Variants in DPYSL2 observed in about 807,000 individuals in gnomAD.
DPYSL2 encodes the protein dihydropyrimidinase-related protein 2.
DPYSL2 carries 13 observed loss-of-function variants against 69.9 expected under a neutral mutation model. The ratio of observed to expected loss-of-function variants is 0.19; its 90% CI spans 0.12 to 0.30. The LOEUF (loss-of-function observed/expected upper bound fraction) is 0.30, where lower values mean the gene tolerates loss of function less well. Among genes scored for constraint, DPYSL2 ranks in the 10% least tolerant of loss-of-function variants. The probability of loss-of-function intolerance (pLI) is 1.00; values close to 1 mark genes in which losing one functional copy is unlikely to be tolerated. For synonymous variants in DPYSL2, 326 were observed against 359.1 expected (o/e 0.91, Z 1.04); for missense variants, 587 against 918.9 (o/e 0.64, Z 4.67).
Position 26,582,019 on chromosome 8 carries a change from G to C in DPYSL2, c.405G>C (p.Ser135=), listed in dbSNP as rs199994960. 1 of 1,613,902 alleles carries C rather than the reference G, an allele frequency of 6.2e-7. No homozygotes were observed. Among genetic ancestry groups the C allele is most frequent in the African/African-American group, 1.3e-5 (1 of 75,042 alleles). The change falls in exon 2 of 14, where the codon TCG becomes TCC. Residue 135 remains serine (S), a synonymous_variant. Coordinates refer to ENST00000521913, the MANE Select transcript of DPYSL2 (RefSeq NM_001197293.3). The surrounding 1 kb of genome is among the most constrained non-coding windows in gnomAD (Gnocchi z 4.1). ...KGGKIVNDDQ[S]FYADIYMEDG... ...GTAAAATTGTTAATGATGACCAGTCGTTCTATGCAGACATATACATGGAAG... is the reference window on the plus strand; with the variant it reads ...GTAAAATTGTTAATGATGACCAGTCCTTCTATGCAGACATATACATGGAAG...
chr8:26,524,476 A>G (rs1184532875), intron 1 of DPYSL2, among the ~76,000 whole-genome samples: 1 of 152,136 alleles, frequency 6.6e-6, no homozygotes, highest in Non-Finnish European at 1.5e-5. Flanking sequence ...TTGTTGCATT[A>G]TATTTTCCAG....
intron 3 of DPYSL2, among the ~76,000 whole-genome samples, chr8:26,592,738 A>G (rs1222497536): frequency 2.0e-5 from 3 of 152,084 alleles, no homozygotes; most frequent in Non-Finnish European, 2.9e-5. Flanking sequence ...CGGCCTCCCA[A>G]AGTGCTGGGA....
intron 1 of DPYSL2, among the ~76,000 whole-genome samples, chr8:26,529,362 C>T (rs1443157915): frequency 6.6e-6 from 1 of 151,938 alleles, no homozygotes; most frequent in East Asian, 1.9e-4. Flanking sequence ...CAGGATCTCT[C>T]TCTGTCTCCC....
intron 1 of DPYSL2, among the ~76,000 whole-genome samples, chr8:26,561,703 G>C (rs562569322): frequency 6.6e-6 from 1 of 152,306 alleles, no homozygotes; most frequent in East Asian, 1.9e-4. Flanking sequence ...GGATGAAACT[G>C]TCCCACCTCA....
At chr8:26,638,405 T>G (rs1387919862) in intron 8 of DPYSL2, among the ~76,000 whole-genome samples, 1 of 152,218 alleles carries the variant, frequency 6.6e-6, no homozygotes, top group Non-Finnish European at 1.5e-5. Flanking sequence ...GTGATCCACA[T>G]GAACCTCCCC....
chr8:26,548,012 G>T, intron 1 of DPYSL2: 1 of 265,754 alleles, frequency 3.8e-6, no homozygotes. Flanking sequence ...CCCTGGATAA[G>T]ACAGAAGTCT....
In DPYSL2 at chr8:26,647,661, T is replaced by C. The variant is rs1803197614; in HGVS notation, c.1457T>C (p.Val486Ala). ...VTGKMDENQFVAVTSTNAAKV... is the reference protein window; with the variant it reads ...VTGKMDENQFAAVTSTNAAKV... Reference sequence around the variant, plus strand: ...GGGAAGATGGATGAGAACCAGTTTGTGGCTGTGACCAGCACCAATGCAGCC... The same window carrying C: ...GGGAAGATGGATGAGAACCAGTTTGCGGCTGTGACCAGCACCAATGCAGCC... Residue 486 changes from valine (V) to alanine (A), a missense_variant, in exon 11 of 14, where the codon GTG (valine) becomes GCG (alanine). Val to Ala is a moderately conservative substitution (Grantham distance 64). Transcript: ENST00000521913. The surrounding 1 kb of genome is among the most constrained non-coding windows in gnomAD (Gnocchi z 5.1). 2 of 1,613,840 alleles carry C rather than the reference T, an allele frequency of 1.2e-6. No homozygotes were observed. Among genetic ancestry groups the C allele is most frequent in the Admixed American group, 1.7e-5 (1 of 59,968 alleles).
At chr8:26,629,309 T>C (rs1257422304) in intron 7 of DPYSL2, among the ~76,000 whole-genome samples, 1 of 151,014 alleles carries the variant, frequency 6.6e-6, no homozygotes, top group Non-Finnish European at 1.5e-5. Context: ...CATAGACACC[T>C]ACACACACAC....
At chr8:26,529,610 C>T (rs1372055312) in intron 1 of DPYSL2, among the ~76,000 whole-genome samples, 3 of 152,028 alleles carry the variant, frequency 2.0e-5, no homozygotes, top group Non-Finnish European at 2.9e-5. Flanking sequence ...AGCCACTGTG[C>T]TGCCTATAAT....
chr8:26,561,096 C>A (rs968324750), intron 1 of DPYSL2, among the ~76,000 whole-genome samples: 1 of 152,130 alleles, frequency 6.6e-6, no homozygotes, highest in African/African-American at 2.4e-5. Context: ...ATGAGAAATG[C>A]AAGACTCTAC....
Position 26,565,855 on chromosome 8 carries a change from G to T in DPYSL2, c.355-16114G>T, listed in dbSNP as rs1052782615. 5.3e-5 allele frequency among the ~76,000 whole-genome samples: 8 copies of T among 152,162 alleles called. No individual in the cohort carries two copies. The highest frequency in any genetic ancestry group is 1.9e-4 in the African/African-American group (8 of 41,442). On this transcript the variant is annotated intron_variant, in intron 1 of 13. Coordinates refer to ENST00000521913, the MANE Select transcript of DPYSL2 (RefSeq NM_001197293.3). The surrounding 1 kb of genome is among the most constrained non-coding windows in gnomAD (Gnocchi z 4.1). ...AACACACAGCTCCCAAGGTTGTCTG[G>T]GCAATCATCATCCCGTCAGCTTGGA...
rs539870985 is a variant in DPYSL2 at position 26,592,757 on chromosome 8, A to G, written c.628+8774A>G. Among the ~76,000 whole-genome samples the G allele has an allele frequency of 3.0e-4, 45 of 152,138 alleles. No homozygotes were observed. In the South Asian group the frequency reaches 6.9e-3, roughly 23 times the overall value. Reference sequence around the variant, plus strand: ...CTCCCAAAGTGCTGGGATTACAGGCATGTCCCACTGTGCCCGGCCGGTACA... The same window carrying G: ...CTCCCAAAGTGCTGGGATTACAGGCGTGTCCCACTGTGCCCGGCCGGTACA... On this transcript the variant is annotated intron_variant, in intron 3 of 13. Coordinates refer to ENST00000521913, the MANE Select transcript of DPYSL2 (RefSeq NM_001197293.3).
rs1276785659 is a variant in DPYSL2 at position 26,609,010 on chromosome 8, G to GT, written c.629-15126dup. Among the ~76,000 whole-genome samples the GT allele has an allele frequency of 6.6e-6, 1 of 152,170 alleles. No homozygotes were observed. On this transcript the variant is annotated intron_variant, in intron 3 of 13. Coordinates refer to ENST00000521913, the MANE Select transcript of DPYSL2 (RefSeq NM_001197293.3). This position sits in a 1 kb window ranked among gnomAD's most constrained non-coding sequence, Gnocchi z 6.5. ...TTAGTTTCAATCCAACAGCGGATCTGTTTTTTTACTCCATGTAATGGGACT... is the reference window on the plus strand; with the variant it reads ...TTAGTTTCAATCCAACAGCGGATCTGTTTTTTTTACTCCATGTAATGGGACT...
intron 3 of DPYSL2, among the ~76,000 whole-genome samples, chr8:26,613,352 G>A (rs761518995): frequency 3.3e-5 from 5 of 152,204 alleles, no homozygotes; most frequent in Admixed American, 1.3e-4. Flanking sequence ...TGGAAGGAAG[G>A]GACATCCTCA....
At position 26,643,733 on chromosome 8, in the gene DPYSL2, A is replaced by C; in HGVS notation, c.1283+138A>C. On this transcript the variant is annotated intron_variant, in intron 9 of 13. Coordinates refer to ENST00000521913, the MANE Select transcript of DPYSL2 (RefSeq NM_001197293.3). The surrounding 1 kb of genome is among the most constrained non-coding windows in gnomAD (Gnocchi z 6.5). ...TTGTTCACCAAACTAGGTTGGCTACATGAGTACAGGGAATTGTCATTCTAG... is the reference window on the plus strand; with the variant it reads ...TTGTTCACCAAACTAGGTTGGCTACCTGAGTACAGGGAATTGTCATTCTAG... 7.5e-7 allele frequency: 1 copy of C among 1,333,748 alleles called. No homozygotes were observed. The highest frequency in any genetic ancestry group is 1.4e-5 in the African/African-American group (1 of 69,240). 82.6% of individuals were successfully genotyped at this position (1,333,748 alleles called of 1,614,324 possible). A position where few individuals can be genotyped will look rare whatever the true frequency, so the allele number is the denominator to read the frequency against.
rs567402785 is a variant in DPYSL2 at position 26,533,292 on chromosome 8, AT to A, written c.354+18620del. On this transcript the variant is annotated intron_variant, in intron 1 of 13. Transcript: ENST00000521913. This position sits in a 1 kb window ranked among gnomAD's most constrained non-coding sequence, Gnocchi z 4.8. ...GGATACTACATCCTTAATATATATT[AT>A]TTTTTTCTCCTGCTCTGTGGATTGT... is the stretch of plus-strand genomic sequence containing the variant. Among the ~76,000 whole-genome samples, 1 of 152,010 alleles carries A rather than the reference AT, an allele frequency of 6.6e-6. No homozygotes were observed. Among genetic ancestry groups the A allele is most frequent in the Non-Finnish European group, 1.5e-5 (1 of 68,004 alleles).
chr8:26,546,615 CACA>C (rs1030817330), intron 1 of DPYSL2, among the ~76,000 whole-genome samples: 5 of 152,048 alleles, frequency 3.3e-5, no homozygotes, highest in Admixed American at 1.3e-4. Flanking sequence ...CTTTTATTCT[CACA>C]ACAAGAAAAA....
At chr8:26,551,058 T>A (rs998094377) in intron 1 of DPYSL2, among the ~76,000 whole-genome samples, 1 of 152,188 alleles carries the variant, frequency 6.6e-6, no homozygotes, top group African/African-American at 2.4e-5. Context: ...ACTCACACAC[T>A]AATCTCCCCC....
chr8:26,600,090 T>A (rs768247475), intron 3 of DPYSL2, among the ~76,000 whole-genome samples: 1 of 152,264 alleles, frequency 6.6e-6, no homozygotes, highest in Non-Finnish European at 1.5e-5. Flanking sequence ...TATGTATCAA[T>A]ACTTCATGAC....
Sources: gnomAD v4.1 joint callset for allele counts (sites outside exome capture counted in the v4.1 genomes callset) on GRCh38, gnomAD v4.1.1 for gene constraint, Gnocchi (gnomAD v3.1) non-coding constraint, MANE v1.5 for transcripts, NCBI Gene and HGNC (gene_info 2026-07-23, HGNC 2026-07-21) for gene names.